Variants in ZDHHC14 observed in about 807,000 individuals in gnomAD.
ZDHHC14 encodes the protein zDHHC palmitoyltransferase 14.
ZDHHC14 carries 16 observed loss-of-function variants against 47.7 expected under a neutral mutation model. The ratio of observed to expected loss-of-function variants is 0.34; its 90% confidence interval spans 0.23 to 0.51. The LOEUF is 0.51. Among genes scored for constraint, ZDHHC14 ranks in the 20% least tolerant of loss-of-function variants. ZDHHC14 has a pLI of 0.97. For synonymous variants in ZDHHC14, 293 were observed against 278.9 expected (o/e 1.05, Z -0.50); for missense variants, 515 against 662.5 (o/e 0.78, Z 2.44).
chr6:157,613,406 A>G lies in ZDHHC14; in HGVS notation c.566-14943A>G, dbSNP rs138829916. 2.7e-3 allele frequency among the ~76,000 whole-genome samples: 404 copies of G among 152,270 alleles called. 1 individual carries two copies. The highest frequency in any genetic ancestry group is 7.3e-3 in the African/African-American group (302 of 41,540). ...AGCTAAATCAATTTCATGACTCACT[A>G]TTTGATCACAACCCTTAGTTTAAGA... On this transcript the variant is annotated intron_variant, in intron 3 of 8. Transcript: ENST00000359775.
At chr6:157,601,618 G>A (rs1583002479) in intron 3 of ZDHHC14, among the ~76,000 whole-genome samples, 1 of 152,230 alleles carries the variant, frequency 6.6e-6, no homozygotes, top group East Asian at 1.9e-4. Flanking sequence ...AGATAAAATA[G>A]CTGTGAAATG....
intron 3 of ZDHHC14, among the ~76,000 whole-genome samples, chr6:157,594,363 C>A (rs1038479452): frequency 1.3e-5 from 2 of 152,144 alleles, no homozygotes; most frequent in Non-Finnish European, 2.9e-5. Context: ...CTGCTTCTCC[C>A]ATGTAGGAAG....
intron 1 of ZDHHC14, among the ~76,000 whole-genome samples, chr6:157,476,575 G>C (rs1031165018): frequency 6.6e-6 from 1 of 152,124 alleles, no homozygotes; most frequent in African/African-American, 2.4e-5. Context: ...CATGTCCTGA[G>C]AGCAAAGCCA....
chr6:157,482,074 A>G (rs948120277), intron 1 of ZDHHC14, among the ~76,000 whole-genome samples: 3 of 152,112 alleles, frequency 2.0e-5, no homozygotes, highest in African/African-American at 7.2e-5. Flanking sequence ...TTCCCACTGA[A>G]ACTACTTCAC....
chr6:157,459,801 ATGG>A (rs1376468377), intron 1 of ZDHHC14, among the ~76,000 whole-genome samples: 2 of 152,164 alleles, frequency 1.3e-5, no homozygotes, highest in Non-Finnish European at 2.9e-5. Flanking sequence ...CTGGCCAGGC[ATGG>A]TGGCTCACAC....
intron 1 of ZDHHC14, among the ~76,000 whole-genome samples, chr6:157,526,937 G>A (rs1333979179): frequency 1.3e-5 from 2 of 152,190 alleles, no homozygotes; most frequent in African/African-American, 4.8e-5. Context: ...GGCAGTGGAT[G>A]GTGGCCGGGA....
At chr6:157,572,535 G>A in intron 2 of ZDHHC14, among the ~76,000 whole-genome samples, 1 of 151,632 alleles carries the variant, frequency 6.6e-6, no homozygotes, top group East Asian at 1.9e-4. Flanking sequence ...GGGTACATGT[G>A]CACAACGTGC....
chr6:157,624,253 C>T (rs1030506579), intron 3 of ZDHHC14, among the ~76,000 whole-genome samples: 1 of 152,188 alleles, frequency 6.6e-6, no homozygotes, highest in African/African-American at 2.4e-5. Context: ...CTTTAGCTTC[C>T]GCTCCTCTGA....
intron 1 of ZDHHC14, among the ~76,000 whole-genome samples, chr6:157,497,791 C>A (rs986317852): frequency 6.6e-6 from 1 of 152,170 alleles, no homozygotes; most frequent in African/African-American, 2.4e-5. Context: ...CAGTGACTTG[C>A]CCAATCATAC....
intron 1 of ZDHHC14, among the ~76,000 whole-genome samples, chr6:157,429,476 A>G (rs1778293072): frequency 6.7e-6 from 1 of 150,196 alleles, no homozygotes; most frequent in Non-Finnish European, 1.5e-5. Flanking sequence ...TTGGGTGGGT[A>G]TTGAGGATGA....
chr6:157,485,696 G>A (rs923197889), intron 1 of ZDHHC14, among the ~76,000 whole-genome samples: 1 of 103,364 alleles, frequency 9.7e-6, no homozygotes. Context: ...TTTTTTTTTT[G>A]AAGGGAAAAA....
intron 1 of ZDHHC14, among the ~76,000 whole-genome samples, chr6:157,385,322 G>C (rs532685130): frequency 1.4e-5 from 2 of 147,834 alleles, no homozygotes; most frequent in Non-Finnish European, 3.0e-5. Context: ...GGGCTCAAGC[G>C]ATCTCCTGCT....
intron 3 of ZDHHC14, among the ~76,000 whole-genome samples, chr6:157,623,800 G>A (rs1239511039): frequency 2.0e-5 from 3 of 151,766 alleles, no homozygotes; most frequent in African/African-American, 7.3e-5. Flanking sequence ...TGCCCGCCTC[G>A]GCCTCCCAAA....
intron 8 of ZDHHC14, among the ~76,000 whole-genome samples, chr6:157,662,599 C>T (rs760600171): frequency 6.6e-6 from 1 of 152,262 alleles, no homozygotes; most frequent in Non-Finnish European, 1.5e-5. Context: ...CTCATTCCTT[C>T]CGTCCTCCAA....
chr6:157,658,886 T>C (rs1288388743), intron 8 of ZDHHC14, among the ~76,000 whole-genome samples: 1 of 152,242 alleles, frequency 6.6e-6, no homozygotes, highest in Non-Finnish European at 1.5e-5. Context: ...GAAGAACTGC[T>C]GTTAATTCAT....
chr6:157,499,764 G>A (rs549364052), intron 1 of ZDHHC14, among the ~76,000 whole-genome samples: 2 of 152,308 alleles, frequency 1.3e-5, no homozygotes, highest in East Asian at 3.9e-4. Context: ...TATCATAATG[G>A]TCTAAAATAT....
intron 1 of ZDHHC14, among the ~76,000 whole-genome samples, chr6:157,476,087 G>C (rs1484431761): frequency 6.6e-6 from 1 of 151,862 alleles, no homozygotes; most frequent in African/African-American, 2.4e-5. Flanking sequence ...TTAATAGAAG[G>C]AAAGAAATAA....
chr6:157,421,341 A>T (rs1355655255), intron 1 of ZDHHC14, among the ~76,000 whole-genome samples: 1 of 151,486 alleles, frequency 6.6e-6, no homozygotes, highest in East Asian at 2.0e-4. Context: ...TTAAAAAAAA[A>T]ATTTGCTGGG....
chr6:157,596,741 T>C (rs1482551334), intron 3 of ZDHHC14, among the ~76,000 whole-genome samples: 1 of 152,080 alleles, frequency 6.6e-6, no homozygotes, highest in Non-Finnish European at 1.5e-5. Context: ...CGGTTTCTTT[T>C]GAAGATTAAC....
Sources: gnomAD v4.1 joint callset for allele counts (sites outside exome capture counted in the v4.1 genomes callset) on GRCh38, gnomAD v4.1.1 for gene constraint, MANE v1.5 for transcripts, NCBI Gene and HGNC (gene_info 2026-07-23, HGNC 2026-07-21) for gene names.